Variants in APPBP2 observed in about 807,000 individuals in gnomAD.
APPBP2 encodes the protein amyloid beta precursor protein binding protein 2.
In APPBP2, 15 loss-of-function variants were observed where a neutral mutation model predicts 76.0. That is an observed-to-expected ratio of 0.20 (90% CI 0.13 to 0.30). APPBP2 has a LOEUF of 0.30. APPBP2 is among the 10% of genes least tolerant of loss of function. The pLI is 1.00. For synonymous variants in APPBP2, 222 were observed against 242.2 expected (o/e 0.92, Z 0.77); for missense variants, 401 against 687.2 (o/e 0.58, Z 4.66).
intron 1 of APPBP2, 125 bp downstream of exon 1, chr17:60,525,669 G>T: frequency 7.0e-7 from 1 of 1,431,856 alleles, no homozygotes; most frequent in Non-Finnish European, 9.5e-7. Context: ...CACCGCACCA[G>T]ACGTTTCGGG....
chr17:60,482,470 T>TG (rs2090637732), intron 3 of APPBP2, among the ~76,000 whole-genome samples: 1 of 152,148 alleles, frequency 6.6e-6, no homozygotes, highest in African/African-American at 2.4e-5. Context: ...TTATTATACT[T>TG]TAAGTTCTAG....
rs2090510772 is a variant in APPBP2, at chr17:60,466,349, T to C, written c.614A>G (p.Lys205Arg). ...ACACAGTTCTCCATAGAGTGCAGCT[T>C]TATTTGCTTGCTGGCCATGTTTTGA... ...KLSKHGQQAN[K>R]AALYGELCAL... The change falls in exon 5 of 13, where the codon AAA becomes AGA. Residue 205 changes from lysine to arginine, a missense_variant. Lys to Arg is a conservative substitution (Grantham distance 26, BLOSUM62 2). This residue lies in a region of APPBP2 where 64 missense variants were observed against 72.9 expected (regional missense o/e 0.88). Transcript: ENST00000083182. 6.2e-7 allele frequency: 1 copy of C among 1,613,992 alleles called. No homozygotes were observed. The highest frequency in any genetic ancestry group is 1.3e-5 in the African/African-American group (1 of 74,940).
intron 2 of APPBP2, among the ~76,000 whole-genome samples, chr17:60,499,939 A>G (rs1271057804): frequency 6.6e-6 from 1 of 152,102 alleles, no homozygotes. Context: ...TTTAGTGGGT[A>G]AGGAGTTTTT....
chr17:60,476,976 T>TTA (rs1567926783), intron 4 of APPBP2, among the ~76,000 whole-genome samples: 1 of 152,234 alleles, frequency 6.6e-6, no homozygotes, highest in African/African-American at 2.4e-5. Flanking sequence ...AGACTATACT[T>TTA]ATTACACAGA....
chr17:60,459,730 G>A (rs1028409795), intron 9 of APPBP2: 4 of 152,254 alleles, frequency 2.6e-5, no homozygotes, highest in Admixed American at 6.5e-5. Context: ...GACCTCAGGT[G>A]ATCCACCTGC....
chr17:60,485,294 T>TAG (rs1288968911), intron 3 of APPBP2, among the ~76,000 whole-genome samples: 1 of 152,216 alleles, frequency 6.6e-6, no homozygotes, highest in African/African-American at 2.4e-5. Context: ...CTCCTCTTTG[T>TAG]AGCTCTGGTA....
intron 4 of APPBP2, among the ~76,000 whole-genome samples, chr17:60,470,472 C>T (rs1470357750): frequency 6.6e-6 from 1 of 152,192 alleles, no homozygotes; most frequent in African/African-American, 2.4e-5. Flanking sequence ...TGCTATTTTG[C>T]TCAGGCTGGT....
chr17:60,518,144 G>A (rs530692424), intron 1 of APPBP2, among the ~76,000 whole-genome samples: 4 of 146,572 alleles, frequency 2.7e-5, no homozygotes, highest in South Asian at 2.1e-4. Flanking sequence ...TGCAACCTCC[G>A]CATCCTGGGC....
chr17:60,521,456 G>T (rs2091009189), intron 1 of APPBP2, among the ~76,000 whole-genome samples: 1 of 152,158 alleles, frequency 6.6e-6, no homozygotes, highest in South Asian at 2.1e-4. Context: ...TCCATTCACG[G>T]TAAGTGCCCT....
intron 12 of APPBP2, 95 bp from the exon 13 acceptor site, chr17:60,447,929 A>T: frequency 1.7e-6 from 2 of 1,183,272 alleles, no homozygotes; most frequent in South Asian, 3.1e-5. Context: ...TTCTTTAAAC[A>T]GGGTGGCTTA....
In APPBP2 at chr17:60,497,933, G is replaced by C. The variant is rs115366278; in HGVS notation, c.227+2466C>G. On this transcript the variant is annotated intron_variant, in intron 2 of 12. Transcript: ENST00000083182. The stretch of plus-strand genomic sequence containing the variant: ...GCAGGTGGATGGCTTGAGCTTAGGA[G>C]TTTGAGACCAGCATGGGCAACATGG... 3.4e-3 allele frequency among the ~76,000 whole-genome samples: 520 copies of C among 152,140 alleles called. 3 individuals carry two copies. The highest frequency in any genetic ancestry group is 0.012 in the African/African-American group (503 of 41,480).
intron 3 of APPBP2, among the ~76,000 whole-genome samples, chr17:60,488,944 C>A (rs1236815014): frequency 1.3e-5 from 2 of 152,130 alleles, no homozygotes; most frequent in Non-Finnish European, 2.9e-5. Flanking sequence ...AAATGCTGGC[C>A]AGGCACGGTG....
chr17:60,515,109 T>TA (rs1223690413), intron 1 of APPBP2, among the ~76,000 whole-genome samples: 4 of 147,550 alleles, frequency 2.7e-5, no homozygotes, highest in African/African-American at 1.1e-4. Context: ...TGGCCTATTT[T>TA]AAATTTTTTT....
chr17:60,510,720 G>GA (rs939968830), intron 1 of APPBP2, among the ~76,000 whole-genome samples: 22 of 150,674 alleles, frequency 1.5e-4, no homozygotes, highest in Admixed American at 6.0e-4. Context: ...TGTTTCTGGG[G>GA]AAAAAAAAAT....
At chr17:60,501,190 T>C (rs2090820172) in intron 1 of APPBP2, among the ~76,000 whole-genome samples, 1 of 151,802 alleles carries the variant, frequency 6.6e-6, no homozygotes, top group Non-Finnish European at 1.5e-5. Context: ...CATGCACCTG[T>C]AGTCTCAGCT....
intron 1 of APPBP2, chr17:60,513,173 C>T: frequency 2.8e-6 from 1 of 353,756 alleles, no homozygotes; most frequent in Non-Finnish European, 5.2e-6. Context: ...GTAACCTCAT[C>T]AGCCTGCCAA....
intron 12 of APPBP2, among the ~76,000 whole-genome samples, chr17:60,451,390 A>AT (rs1031929970): frequency 1.3e-5 from 2 of 152,140 alleles, no homozygotes; most frequent in Non-Finnish European, 2.9e-5. Context: ...GTTCCAGATG[A>AT]TTTTTGGGTG....
intron 4 of APPBP2, among the ~76,000 whole-genome samples, chr17:60,472,958 G>A (rs1391374882): frequency 6.6e-6 from 1 of 152,024 alleles, no homozygotes; most frequent in African/African-American, 2.4e-5. Context: ...CTTTTATCCT[G>A]AATTCTTCCT....
At chr17:60,522,510 A>G (rs1202338146) in intron 1 of APPBP2, among the ~76,000 whole-genome samples, 1 of 152,048 alleles carries the variant, frequency 6.6e-6, no homozygotes, top group Non-Finnish European at 1.5e-5. Flanking sequence ...CTTTTTGTAG[A>G]GAAGGGGTCT....
Sources: allele counts gnomAD v4.1 joint callset (sites outside exome capture counted in the v4.1 genomes callset), GRCh38; gene constraint gnomAD v4.1.1; regional missense constraint gnomAD v4.1.1; transcripts MANE v1.5; gene names NCBI Gene and HGNC (gene_info 2026-07-23, HGNC 2026-07-21).